Variants in CADPS observed in about 807,000 individuals in gnomAD.
The protein encoded by CADPS is calcium dependent secretion activator, also known as calcium-dependent secretion activator 1.
CADPS carries 57 observed loss-of-function variants against 167.3 expected under a neutral mutation model. That is an observed-to-expected ratio of 0.34 (90% confidence interval 0.28 to 0.42). The LOEUF is 0.42. CADPS is among the 20% of genes least tolerant of loss of function. The pLI is 1.00. For synonymous variants in CADPS, 676 were observed against 635.3 expected (o/e 1.06, Z -0.96); for missense variants, 1,414 against 1,738.1 (o/e 0.81, Z 3.32).
chr3:62,581,655 T>C (rs1156440224), intron 8 of CADPS, among the ~76,000 whole-genome samples: 1 of 152,026 alleles, frequency 6.6e-6, no homozygotes, highest in East Asian at 1.9e-4. Context: ...CACTCCAGTC[T>C]GGGTCACAGA....
At chr3:62,649,714 A>T (rs149030359) in intron 5 of CADPS, among the ~76,000 whole-genome samples, 2 of 151,252 alleles carry the variant, frequency 1.3e-5, no homozygotes, top group East Asian at 3.9e-4. Context: ...ACACTCAGCT[A>T]ATTAAAAAAA....
intron 1 of CADPS, among the ~76,000 whole-genome samples, chr3:62,856,504 T>G (rs1001165097): frequency 6.6e-6 from 1 of 152,034 alleles, no homozygotes; most frequent in African/African-American, 2.4e-5. Context: ...AAAAATTATT[T>G]TTCCAAAGAA....
At chr3:62,722,753 G>C (rs1454936959) in intron 3 of CADPS, among the ~76,000 whole-genome samples, 1 of 152,198 alleles carries the variant, frequency 6.6e-6, no homozygotes, top group African/African-American at 2.4e-5. Flanking sequence ...GATTGATCCA[G>C]CGTATAGTTT....
intron 1 of CADPS, among the ~76,000 whole-genome samples, chr3:62,783,132 C>T (rs11719085): frequency 0.18 from 27,904 of 152,058 alleles, 2,794 homozygotes; most frequent in Middle Eastern, 0.3. Flanking sequence ...AGAAAACAAA[C>T]GCTAAAAATG....
At position 62,819,284 on chromosome 3, in the gene CADPS, T is replaced by TA. The variant is rs572616064; in HGVS notation, c.442-53301dup. ...TGTAAACCACTACATCAAGGAATAT[T>TA]AAAAAAACACTGCAAAATGATTTTT... On this transcript the variant is annotated intron_variant, in intron 1 of 29. Coordinates refer to ENST00000383710, the MANE Select transcript of CADPS (RefSeq NM_003716.4). Among the ~76,000 whole-genome samples, 31 of 152,072 alleles carry TA rather than the reference T, an allele frequency of 2.0e-4. 1 individual carries two copies. The highest frequency in any genetic ancestry group is 2.0e-3 in the Admixed American group (31 of 15,256).
chr3:62,583,653 C>T (rs1292091089), intron 8 of CADPS, among the ~76,000 whole-genome samples: 1 of 152,130 alleles, frequency 6.6e-6, no homozygotes, highest in Non-Finnish European at 1.5e-5. Flanking sequence ...AAATCCAAAC[C>T]AAACCTTGGG....
chr3:62,532,783 A>G (rs1004014221), intron 13 of CADPS, 88 bp downstream of exon 13: 1 of 1,170,900 alleles, frequency 8.5e-7, no homozygotes. Flanking sequence ...GAATGAAGAC[A>G]GGCAGATCCT....
intron 26 of CADPS, among the ~76,000 whole-genome samples, chr3:62,447,848 T>C (rs927382833): frequency 6.6e-6 from 1 of 152,224 alleles, no homozygotes; most frequent in African/African-American, 2.4e-5. Context: ...ATTGCTATGC[T>C]AGAACTTAGT....
intron 1 of CADPS, among the ~76,000 whole-genome samples, chr3:62,856,881 A>G (rs143888972): frequency 1.4e-3 from 213 of 151,898 alleles, no homozygotes; most frequent in African/African-American, 4.8e-3. Flanking sequence ...AAAAAACACT[A>G]TAAGTAGTAG....
chr3:62,439,742 C>G (rs181190359), intron 27 of CADPS: 11 of 152,220 alleles, frequency 7.2e-5, no homozygotes, highest in Admixed American at 6.5e-4. Flanking sequence ...GGCAATATGG[C>G]CTTTTCCTGG....
chr3:62,486,614 C>T (rs1012663857), intron 21 of CADPS, among the ~76,000 whole-genome samples: 1 of 152,196 alleles, frequency 6.6e-6, no homozygotes, highest in Non-Finnish European at 1.5e-5. Context: ...TTTAGTTCTA[C>T]CATTCAGAGC....
intron 10 of CADPS, 109 bp from the exon 11 acceptor site, chr3:62,550,224 G>C: frequency 3.9e-6 from 3 of 778,398 alleles, no homozygotes; most frequent in Admixed American, 2.2e-5. Flanking sequence ...GACAGAAGAG[G>C]GGGGTAGTGA....
At chr3:62,866,487 T>C (rs1395838660) in intron 1 of CADPS, among the ~76,000 whole-genome samples, 1 of 151,846 alleles carries the variant, frequency 6.6e-6, no homozygotes, top group Non-Finnish European at 1.5e-5. Flanking sequence ...GTAAAAAGGG[T>C]AATTTAAATA....
chr3:62,621,682 C>T (rs764399552), intron 6 of CADPS, among the ~76,000 whole-genome samples: 19 of 151,940 alleles, frequency 1.3e-4, no homozygotes, highest in Non-Finnish European at 5.9e-5. Context: ...TTTATTTCAT[C>T]ACCCAGATAT....
At chr3:62,819,521 CT>C (rs747863677) in intron 1 of CADPS, among the ~76,000 whole-genome samples, 26 of 152,022 alleles carry the variant, frequency 1.7e-4, no homozygotes, top group Middle Eastern at 6.8e-3. Flanking sequence ...ATGGCCCCCC[CT>C]TCATCCGCTT....
At chr3:62,779,239 G>A (rs1416305341) in intron 1 of CADPS, 1 of 316,976 alleles carries the variant, frequency 3.2e-6, no homozygotes, top group Non-Finnish European at 6.5e-6. Context: ...ACCCTTCTGA[G>A]CTTCCAAAGG....
At chr3:62,594,041 T>C (rs1203222166) in intron 6 of CADPS, among the ~76,000 whole-genome samples, 2 of 152,204 alleles carry the variant, frequency 1.3e-5, no homozygotes, top group Admixed American at 6.5e-5. Flanking sequence ...GAAAACAGCA[T>C]AGATACAATT....
rs574220713 is a variant in CADPS at position 62,465,447 on chromosome 3, C to T, written c.3556G>A (p.Val1186Ile). Reference sequence around the variant, plus strand: ...GCCAGCACTCCTTCCAAGATAGTAACGAACTAGAAAAACAGCAAAAAAGAA... The same window carrying T: ...GCCAGCACTCCTTCCAAGATAGTAATGAACTAGAAAAACAGCAAAAAAGAA... ...EMITLLVAKF[V>I]TILEGVLAKL... The change falls in exon 26 of 30, where the codon GTT (valine) becomes ATT (isoleucine). Residue 1186 changes from valine (V) to isoleucine (I), a missense_variant. Transcript: ENST00000383710. The surrounding 1 kb of genome is among the most constrained non-coding windows in gnomAD (Gnocchi z 4.1). The T allele has an allele frequency of 1.6e-5, 26 of 1,597,326 alleles. No homozygotes were observed. The highest frequency in any genetic ancestry group is 1.4e-4 in the South Asian group (12 of 87,230).
chr3:62,404,439 G>A (rs1042452429), intron 28 of CADPS: 1 of 152,472 alleles, frequency 6.6e-6, no homozygotes, highest in Non-Finnish European at 1.5e-5. Context: ...CAGTTTTTCC[G>A]AAGCCTTGTT....
Sources: gnomAD v4.1 joint callset for allele counts (sites outside exome capture counted in the v4.1 genomes callset) on GRCh38, gnomAD v4.1.1 for gene constraint, Gnocchi (gnomAD v3.1) non-coding constraint, MANE v1.5 for transcripts, NCBI Gene and HGNC (gene_info 2026-07-23, HGNC 2026-07-21) for gene names.